FRMPD4: variants seen among roughly 807,000 people sequenced by gnomAD.
FRMPD4 encodes the protein FERM and PDZ domain containing 4.
Under a neutral mutation model 94.1 loss-of-function variants are expected in FRMPD4, and 22 were observed. The ratio of observed to expected loss-of-function variants is 0.23; its 90% CI spans 0.17 to 0.33. The LOEUF (loss-of-function observed/expected upper bound fraction) is 0.33, where lower values mean the gene tolerates loss of function less well. Among genes scored for constraint, FRMPD4 ranks in the 10% least tolerant of loss-of-function variants. The pLI, the probability that FRMPD4 is intolerant of heterozygous loss-of-function variation, is 1.00. For synonymous variants in FRMPD4, 631 were observed against 548.6 expected, an observed-to-expected ratio of 1.15 and a Z score of -2.10; for missense variants, 1,111 against 1,339.9, an observed-to-expected ratio of 0.83 and a Z score of 2.67.
chrX:12,667,866 T>G (rs1017472102), intron 4 of FRMPD4, among the ~76,000 whole-genome samples: 4 of 112,199 alleles, frequency 3.6e-5, no homozygotes, highest in African/African-American at 1.3e-4. Context: ...TAGGATAGAC[T>G]ATATTCCCCT....
intron 1 of FRMPD4, among the ~76,000 whole-genome samples, chrX:12,226,686 A>C (rs1210915591): frequency 1.8e-5 from 2 of 111,109 alleles, no homozygotes. Context: ...CCCCATTTCC[A>C]CAGGGCAACA....
At chrX:11,923,738 G>A (rs569065620) in intron 3 of FRMPD4, among the ~76,000 whole-genome samples, 1 of 112,218 alleles carries the variant, frequency 8.9e-6, no homozygotes, top group East Asian at 2.8e-4. Flanking sequence ...AACCCTCAAG[G>A]TCATCAAATA....
rs780535035 is a variant in FRMPD4 at position 12,654,635 on chromosome X, T to C, written c.423-20228T>C. Reference sequence around the variant, plus strand: ...TCAAAGTTCTACCATGTAATAGCTGTAGGGCTTTAGACAAATTATTCAGCA... The same window carrying C: ...TCAAAGTTCTACCATGTAATAGCTGCAGGGCTTTAGACAAATTATTCAGCA... On this transcript the variant is annotated intron_variant, in intron 4 of 16. Coordinates refer to ENST00000675598, the MANE Select transcript of FRMPD4 (RefSeq NM_001368397.1). Among the ~76,000 whole-genome samples, 16 of 111,722 alleles carry C rather than the reference T, an allele frequency of 1.4e-4. No individual in the cohort carries two copies. The South Asian group carries it at 3.8e-3, about 27-fold the overall frequency.
chrX:12,419,438 G>T (rs1051186612), intron 1 of FRMPD4, among the ~76,000 whole-genome samples: 4 of 112,417 alleles, frequency 3.6e-5, no homozygotes, highest in Admixed American at 1.9e-4. Flanking sequence ...TTTATAAAAA[G>T]ATATGACTTA....
chrX:12,002,820 C>A (rs897485562), intron 3 of FRMPD4, among the ~76,000 whole-genome samples: 1 of 111,564 alleles, frequency 9.0e-6, no homozygotes, highest in East Asian at 2.8e-4. Flanking sequence ...CATGCTTAAG[C>A]TTCTCAAGCC....
intron 2 of FRMPD4, among the ~76,000 whole-genome samples, chrX:11,869,483 G>A (rs142643208): frequency 0.078 from 8,662 of 111,603 alleles, 307 homozygotes; most frequent in African/African-American, 0.12. Context: ...GGATAGATAA[G>A]TGATGTGATG....
intron 3 of FRMPD4, among the ~76,000 whole-genome samples, chrX:12,088,029 G>T (rs907154463): frequency 3.6e-5 from 4 of 112,666 alleles, no homozygotes; most frequent in African/African-American, 1.3e-4. Flanking sequence ...AGGGAGCTTT[G>T]TTAATTCCTT....
chrX:11,841,145 A>T (rs966126607), intron 1 of FRMPD4, among the ~76,000 whole-genome samples: 1 of 108,683 alleles, frequency 9.2e-6, no homozygotes, highest in Non-Finnish European at 1.9e-5. Context: ...CCAGTCTATC[A>T]TTGTTGGACA....
chrX:12,720,616 A>G lies in FRMPD4; in HGVS notation c.4047A>G (p.Leu1349=). 2.5e-6 allele frequency: 3 copies of G among 1,191,288 alleles called. No homozygotes were observed. The Admixed American group carries it at 6.9e-5, about 28-fold the overall frequency. ...ATCCTGAAGCTGATCCCATCCTGCT[A>G]CCATCAAACATTCACTCGGAATCAA... ...SQHPEADPIL[L]PSNIHSESKV... is the part of the protein sequence containing the mutation. Residue 1349 remains leucine, a synonymous_variant, in exon 17 of 17, where the codon CTA becomes CTG. Transcript: ENST00000675598.
upstream of FRMPD4, among the ~76,000 whole-genome samples, chrX:12,135,076 A>C (rs978708141): frequency 8.9e-6 from 1 of 112,087 alleles, no homozygotes; most frequent in African/African-American, 3.3e-5. Context: ...GGTTTTCAGA[A>C]ATGACCAAAT....
At chrX:12,672,194 G>T (rs757253134) in intron 4 of FRMPD4, among the ~76,000 whole-genome samples, 15 of 112,158 alleles carry the variant, frequency 1.3e-4, no homozygotes, top group Non-Finnish European at 1.9e-4. Context: ...TCTTCTGTCC[G>T]TGGAAGGTGA....
chrX:12,146,300 C>G (rs941166609), intron 1 of FRMPD4, among the ~76,000 whole-genome samples: 1 of 110,161 alleles, frequency 9.1e-6, no homozygotes, highest in African/African-American at 3.3e-5. Flanking sequence ...GGAGGCGAAG[C>G]TTGCAGTGAG....
chrX:12,695,647 C>T (rs193030964), intron 9 of FRMPD4, among the ~76,000 whole-genome samples: 29 of 112,117 alleles, frequency 2.6e-4, no homozygotes, highest in Non-Finnish European at 3.2e-4. Context: ...TCATGATCCA[C>T]GCACCTTGGC....
intron 3 of FRMPD4, among the ~76,000 whole-genome samples, chrX:11,967,753 TG>T (rs2054317788): frequency 2.5e-5 from 2 of 78,953 alleles, no homozygotes; most frequent in Admixed American, 1.5e-4. Flanking sequence ...TGTGTGTGTG[TG>T]TGTTTTTTTT....
At chrX:12,577,722 A>G (rs979766861) in intron 2 of FRMPD4, among the ~76,000 whole-genome samples, 1 of 111,873 alleles carries the variant, frequency 8.9e-6, no homozygotes, top group Admixed American at 9.4e-5. Flanking sequence ...GTGCCTGAAC[A>G]TAAGCTAGAC....
At chrX:11,861,605 T>C (rs1038854927) in intron 1 of FRMPD4, among the ~76,000 whole-genome samples, 1 of 111,660 alleles carries the variant, frequency 9.0e-6, no homozygotes, top group Non-Finnish European at 1.9e-5. Context: ...TAATTAGAAA[T>C]AGGTACAATC....
intron 13 of FRMPD4, 96 bp downstream of exon 13, chrX:12,707,747 G>A: frequency 1.5e-6 from 1 of 677,368 alleles, no homozygotes; most frequent in Non-Finnish European, 2.3e-6. Context: ...GTCAATGTGT[G>A]CAGAGCATCA....
chrX:12,678,723 G>A (rs1468371904), intron 5 of FRMPD4, among the ~76,000 whole-genome samples: 1 of 112,221 alleles, frequency 8.9e-6, no homozygotes, highest in Non-Finnish European at 1.9e-5. Context: ...TACTAGGGAG[G>A]CTGAGGCAGG....
intron 1 of FRMPD4, among the ~76,000 whole-genome samples, chrX:12,222,681 A>G (rs2056882284): frequency 8.9e-6 from 1 of 112,152 alleles, no homozygotes; most frequent in African/African-American, 3.2e-5. Context: ...CCAACCAACC[A>G]TTGATCTGCT....
Sources: allele counts gnomAD v4.1 joint callset (sites outside exome capture counted in the v4.1 genomes callset), GRCh38; gene constraint gnomAD v4.1.1; transcripts MANE v1.5; gene names NCBI Gene and HGNC (gene_info 2026-07-23, HGNC 2026-07-21).